Variants in RARB observed in about 807,000 individuals in gnomAD.
RARB encodes the protein retinoic acid receptor beta, also known as HBV-activated protein.
RARB carries 17 observed loss-of-function variants against 51.9 expected under a neutral mutation model. That is an observed-to-expected ratio of 0.33 (90% CI 0.22 to 0.49). The LOEUF is 0.49. Ranked by LOEUF, RARB falls within the 20% of genes least tolerant of loss-of-function variation. The pLI is 0.99. For missense variants in RARB, 369 were observed against 550.8 expected, an observed-to-expected ratio of 0.67 and a Z score of 3.30; for synonymous variants, 215 against 195.4, an observed-to-expected ratio of 1.10 and a Z score of -0.84.
At chr3:24,867,561 C>G (rs1477919110) in intron 2 of RARB, among the ~76,000 whole-genome samples, 1 of 152,068 alleles carries the variant, frequency 6.6e-6, no homozygotes, top group Non-Finnish European at 1.5e-5. Flanking sequence ...AGCACCTGGA[C>G]ACCTTAAAGC....
At chr3:25,326,730 C>T (rs1704726949) in intron 5 of RARB, among the ~76,000 whole-genome samples, 1 of 152,026 alleles carries the variant, frequency 6.6e-6, no homozygotes, top group South Asian at 2.1e-4. Context: ...AGAAAACTCC[C>T]AATGAACATC....
At chr3:25,012,025 G>A (rs758322773) in intron 2 of RARB, among the ~76,000 whole-genome samples, 1 of 152,088 alleles carries the variant, frequency 6.6e-6, no homozygotes, top group African/African-American at 2.4e-5. Flanking sequence ...ATCCCACAAT[G>A]AGGAATAGAG....
At chr3:25,286,941 T>C (rs2125419346) in intron 5 of RARB, among the ~76,000 whole-genome samples, 1 of 152,250 alleles carries the variant, frequency 6.6e-6, no homozygotes, top group African/African-American at 2.4e-5. Context: ...TGGCCAGAAA[T>C]GAAAAACTCC....
At chr3:25,415,270 C>T (rs1293040523) in intron 5 of RARB, among the ~76,000 whole-genome samples, 1 of 151,982 alleles carries the variant, frequency 6.6e-6, no homozygotes, top group African/African-American at 2.4e-5. Context: ...AAAATCATTG[C>T]CTGATGCAAG....
chr3:25,044,282 A>T (rs181210526), intron 2 of RARB, among the ~76,000 whole-genome samples: 22 of 152,242 alleles, frequency 1.4e-4, no homozygotes, highest in Admixed American at 3.9e-4. Flanking sequence ...CTTATTCCCT[A>T]GCTGGGCAAA....
At chr3:25,273,282 A>G (rs969775697) in intron 5 of RARB, among the ~76,000 whole-genome samples, 2 of 152,210 alleles carry the variant, frequency 1.3e-5, no homozygotes, top group East Asian at 1.9e-4. Context: ...TGAGAAGCTC[A>G]TGCTTTCTTT....
At chr3:25,368,796 C>G (rs1029331244) in intron 5 of RARB, among the ~76,000 whole-genome samples, 1 of 152,144 alleles carries the variant, frequency 6.6e-6, no homozygotes, top group Non-Finnish European at 1.5e-5. Context: ...CCCATTGCTC[C>G]TCTTACTTTA....
intron 5 of RARB, among the ~76,000 whole-genome samples, chr3:25,203,880 C>G (rs1010999034): frequency 1.3e-5 from 2 of 152,128 alleles, no homozygotes; most frequent in Admixed American, 1.3e-4. Flanking sequence ...TCCTTCATTT[C>G]AATTATGAAT....
chr3:24,916,819 C>T (rs1032604430), intron 2 of RARB, among the ~76,000 whole-genome samples: 8 of 149,372 alleles, frequency 5.4e-5, no homozygotes, highest in African/African-American at 2.0e-4. Flanking sequence ...TTTAACACCC[C>T]AAAATGGGAA....
chr3:25,238,866 C>G (rs1029821837), intron 5 of RARB, among the ~76,000 whole-genome samples: 5 of 152,092 alleles, frequency 3.3e-5, no homozygotes, highest in African/African-American at 1.2e-4. Context: ...GTAGTCCCAG[C>G]TATTAGGGAG....
At chr3:25,323,231 G>A (rs553410208) in intron 5 of RARB, among the ~76,000 whole-genome samples, 2 of 152,174 alleles carry the variant, frequency 1.3e-5, no homozygotes, top group Non-Finnish European at 2.9e-5. Flanking sequence ...ACCACATTCT[G>A]CTGGTCAAAG....
intron 2 of RARB, among the ~76,000 whole-genome samples, chr3:24,980,274 C>G (rs878932812): frequency 6.6e-6 from 1 of 152,100 alleles, no homozygotes; most frequent in Admixed American, 6.5e-5. Context: ...CAAGGAGTAT[C>G]TTTGTGGTGT....
At chr3:25,077,104 C>T (rs1157123141) in intron 3 of RARB, among the ~76,000 whole-genome samples, 1 of 152,188 alleles carries the variant, frequency 6.6e-6, no homozygotes, top group East Asian at 1.9e-4. Context: ...TTGGTCCTCC[C>T]CATATGGTCA....
chr3:25,069,026 C>T (rs968821500), intron 3 of RARB, among the ~76,000 whole-genome samples: 1 of 146,146 alleles, frequency 6.8e-6, no homozygotes, highest in Non-Finnish European at 1.5e-5. Context: ...AAAAAAAAAA[C>T]ACACACACAC....
intron 5 of RARB, among the ~76,000 whole-genome samples, chr3:25,301,770 C>G (rs1038202067): frequency 6.6e-6 from 1 of 152,178 alleles, no homozygotes; most frequent in African/African-American, 2.4e-5. Context: ...TTATTTATGG[C>G]TTCAGCCACA....
At chr3:25,494,584 A>T (rs1188777862) in intron 2 of RARB, among the ~76,000 whole-genome samples, 4 of 152,168 alleles carry the variant, frequency 2.6e-5, no homozygotes, top group Non-Finnish European at 5.9e-5. Flanking sequence ...GTGGCATCTT[A>T]CATAGTGTTC....
At chr3:25,279,834 A>G (rs1379608410) in intron 5 of RARB, among the ~76,000 whole-genome samples, 1 of 152,132 alleles carries the variant, frequency 6.6e-6, no homozygotes, top group Admixed American at 6.5e-5. Flanking sequence ...GTAATATTAT[A>G]TTATACATCC....
At chr3:25,095,974 A>G (rs970545793) in intron 3 of RARB, among the ~76,000 whole-genome samples, 1 of 152,158 alleles carries the variant, frequency 6.6e-6, no homozygotes, top group Non-Finnish European at 1.5e-5. Context: ...GGGGAAGTGA[A>G]GGGGCTGAAT....
intron 2 of RARB, among the ~76,000 whole-genome samples, chr3:25,000,632 A>ATG (rs1240821870): frequency 6.6e-6 from 1 of 152,152 alleles, no homozygotes; most frequent in Admixed American, 6.6e-5. Context: ...GAGTATATGC[A>ATG]TGTGTATATT....
Sources: allele counts gnomAD v4.1 joint callset (sites outside exome capture counted in the v4.1 genomes callset), GRCh38; gene constraint gnomAD v4.1.1; transcripts MANE v1.5; gene names NCBI Gene and HGNC (gene_info 2026-07-23, HGNC 2026-07-21).